Variants in CHD2 observed in about 807,000 individuals in gnomAD.
CHD2 encodes ATP-dependent chromatin remodeler CHD2.
CHD2 carries 28 observed loss-of-function variants against 243.9 expected under a neutral mutation model. The observed-to-expected ratio is 0.11, with a 90% CI of 0.09 to 0.16. CHD2 has a LOEUF of 0.16. Ranked by LOEUF, CHD2 falls within the 10% of genes least tolerant of loss-of-function variation. CHD2 has a pLI of 1.00. For synonymous variants in CHD2, 775 were observed against 779.0 expected, an observed-to-expected ratio of 0.99 and a Z score of 0.09; for missense variants, 1,386 against 2,209.8, an observed-to-expected ratio of 0.63 and a Z score of 7.47.
At chr15:92,937,455 C>T (rs575146880) in intron 5 of CHD2, 63 bp from the exon 6 acceptor site, 16 of 1,248,268 alleles carry the variant, frequency 1.3e-5, no homozygotes, top group Middle Eastern at 1.9e-4. Flanking sequence ...TTGGTTTTGT[C>T]GGATTATTTA....
chr15:92,948,704 G>A (rs1477029871), intron 12 of CHD2, among the ~76,000 whole-genome samples: 5 of 152,064 alleles, frequency 3.3e-5, no homozygotes, highest in African/African-American at 1.2e-4. Flanking sequence ...GGGTGGTGGC[G>A]GGCGCCTGTA....
chr15:92,927,212 A>G, intron 3 of CHD2, 32 bp from the exon 4 acceptor site: 1 of 1,483,154 alleles, frequency 6.7e-7, no homozygotes, highest in Non-Finnish European at 9.4e-7. Context: ...GGTCAAGAAA[A>G]AAGATTAATG....
chr15:92,922,337 T>C (rs903386473), intron 2 of CHD2, among the ~76,000 whole-genome samples: 1 of 152,158 alleles, frequency 6.6e-6, no homozygotes, highest in Non-Finnish European at 1.5e-5. Flanking sequence ...ATAATACATA[T>C]AAAGTACTTA....
chr15:92,997,334 G>T lies in CHD2; in HGVS notation c.3816G>T (p.Gly1272=), dbSNP rs2054200896. 6.2e-7 allele frequency: 1 copy of T among 1,613,262 alleles called. No individual in the cohort carries two copies. Among genetic ancestry groups the T allele is most frequent in the African/African-American group, 1.3e-5 (1 of 74,940 alleles). Residue 1272 remains glycine (G), a synonymous_variant, in exon 30 of 39, where the codon GGG becomes GGT. Transcript: ENST00000394196. The surrounding 1 kb of genome is among the most constrained non-coding windows in gnomAD (Gnocchi z 4.1). The stretch of plus-strand genomic sequence containing the variant: ...AAGATGATTCTCGCCTGTTGCTGGG[G>T]ATTTATGAACATGGCTATGGAAACT... ...GVEDDSRLLL[G]IYEHGYGNWE... is the part of the protein sequence containing the mutation.
At chr15:92,914,524 G>GGT (rs2141722816) in intron 2 of CHD2, among the ~76,000 whole-genome samples, 1 of 152,320 alleles carries the variant, frequency 6.6e-6, no homozygotes, top group East Asian at 1.9e-4. Context: ...ATGAGGCTAA[G>GGT]GTGATGCCTG....
chr15:92,985,458 C>T (rs1292111006), intron 25 of CHD2, 40 bp from the exon 26 acceptor site: 22 of 1,561,432 alleles, frequency 1.4e-5, no homozygotes, highest in Admixed American at 1.8e-5. Flanking sequence ...ACTTGAACTT[C>T]GCACTTGTTA....
chr15:92,940,970 A>AATATAAATAT (rs2053369360), intron 7 of CHD2, among the ~76,000 whole-genome samples: 4 of 31,420 alleles, frequency 1.3e-4, no homozygotes, highest in African/African-American at 1.5e-4. Context: ...TATAAATATA[A>AATATAAATAT]ATATAAATAT....
At chr15:92,994,521 C>T (rs2054162832) in intron 28 of CHD2, among the ~76,000 whole-genome samples, 1 of 151,888 alleles carries the variant, frequency 6.6e-6, no homozygotes, top group African/African-American at 2.4e-5. Flanking sequence ...AGACAAATAA[C>T]TTGTATGGTT....
chr15:92,979,916 A>AATG (rs1008895188), intron 22 of CHD2, among the ~76,000 whole-genome samples: 8 of 151,606 alleles, frequency 5.3e-5, no homozygotes, highest in Non-Finnish European at 1.2e-4. Flanking sequence ...TAATAATAAT[A>AATG]ATATCAAAAT....
intron 20 of CHD2, 114 bp downstream of exon 20, chr15:92,975,064 C>A: frequency 1.2e-6 from 1 of 806,396 alleles, no homozygotes; most frequent in Non-Finnish European, 2.0e-6. Context: ...ATTCTTTTGC[C>A]TTGAGAAGAA....
At chr15:92,907,148 T>A (rs2052638826) in intron 2 of CHD2, among the ~76,000 whole-genome samples, 2 of 152,156 alleles carry the variant, frequency 1.3e-5, no homozygotes, top group African/African-American at 2.4e-5. Context: ...AGACATTTTT[T>A]AAAAAAAGCT....
intron 2 of CHD2, 184 bp downstream of exon 2, chr15:92,901,483 A>G (rs2052528291): frequency 1.7e-6 from 1 of 604,934 alleles, no homozygotes; most frequent in Non-Finnish European, 3.0e-6. Context: ...TTTGGTAGCA[A>G]TTTATGAAAG....
chr15:92,914,289 G>A (rs766803957), intron 2 of CHD2, among the ~76,000 whole-genome samples: 11 of 152,222 alleles, frequency 7.2e-5, no homozygotes, highest in Non-Finnish European at 1.0e-4. Flanking sequence ...TATTTACAAA[G>A]ACTTTTGATT....
Position 92,941,923 on chromosome 15 carries a change from A to G in CHD2, c.794A>G (p.Lys265Arg), listed in dbSNP as rs765820337. Residue 265 changes from lysine to arginine, a missense_variant, in exon 8 of 39, where the codon AAG becomes AGG. This residue lies in a region of CHD2 where 200 missense variants were observed against 292.5 expected (regional missense o/e 0.68). Coordinates refer to ENST00000394196, the MANE Select transcript of CHD2 (RefSeq NM_001271.4). ...EQQDNSETIE[K>R]VLDSRLGKKG... is the part of the protein sequence containing the mutation. ...CAAGATAATAGTGAAACTATTGAAA[A>G]GGTCTTAGATTCAAGACTGGGAAAG... is the stretch of plus-strand genomic sequence containing the variant. The G allele has an allele frequency of 6.2e-7, 1 of 1,613,176 alleles. No individual in the cohort carries two copies. The highest frequency in any genetic ancestry group is 8.5e-7 in the Non-Finnish European group (1 of 1,179,460).
chr15:92,928,621 G>A (rs1343126581), intron 4 of CHD2, among the ~76,000 whole-genome samples: 1 of 152,212 alleles, frequency 6.6e-6, no homozygotes, highest in African/African-American at 2.4e-5. Flanking sequence ...CTACTCACAT[G>A]TGGCTTTTAA....
chr15:92,905,200 G>A (rs2052597984), intron 2 of CHD2, among the ~76,000 whole-genome samples: 1 of 152,202 alleles, frequency 6.6e-6, no homozygotes, highest in African/African-American at 2.4e-5. Context: ...GTGACTGACA[G>A]CTTGGCTGAT....
At chr15:92,963,052 AACTT>A (rs1451931956) in intron 16 of CHD2, among the ~76,000 whole-genome samples, 8 of 152,124 alleles carry the variant, frequency 5.3e-5, no homozygotes, top group Admixed American at 3.9e-4. Context: ...TTTTACTTTC[AACTT>A]ACTTCTTTCT....
intron 28 of CHD2, among the ~76,000 whole-genome samples, chr15:92,994,397 TAA>T (rs568317759): frequency 6.6e-6 from 1 of 151,982 alleles, no homozygotes; most frequent in Non-Finnish European, 1.5e-5. Context: ...ATTTTAATAA[TAA>T]AAAATTATTT....
At chr15:92,978,006 A>T (rs2053932013) in intron 20 of CHD2, 1 of 505,492 alleles carries the variant, frequency 2.0e-6, no homozygotes, top group South Asian at 2.3e-5. Context: ...CCATTGCCTT[A>T]TTAGAGTCTA....
Sources: allele counts gnomAD v4.1 joint callset (sites outside exome capture counted in the v4.1 genomes callset), GRCh38; gene constraint gnomAD v4.1.1; regional missense constraint gnomAD v4.1.1; non-coding constraint Gnocchi (gnomAD v3.1); transcripts MANE v1.5; gene names NCBI Gene and HGNC (gene_info 2026-07-23, HGNC 2026-07-21).